Variants in DGKH observed in about 807,000 individuals in gnomAD.
The protein encoded by DGKH is DAG kinase eta.
A neutral mutation model predicts 159.3 loss-of-function variants in DGKH; 90 were observed. That is an observed-to-expected ratio of 0.57 (90% confidence interval 0.48 to 0.67). DGKH has a LOEUF of 0.67. Ranked by LOEUF, DGKH falls within the 30% of genes least tolerant of loss-of-function variation. The pLI is 0.00. For synonymous variants in DGKH, 536 were observed against 553.8 expected (o/e 0.97, Z 0.45); for missense variants, 1,181 against 1,506.1 (o/e 0.78, Z 3.57).
chr13:42,151,644 G>A (rs559215337), intron 3 of DGKH, among the ~76,000 whole-genome samples: 1 of 141,170 alleles, frequency 7.1e-6, no homozygotes, highest in Non-Finnish European at 1.6e-5. Flanking sequence ...TCATAAAAAA[G>A]AATAAAATAT....
intron 29 of DGKH, among the ~76,000 whole-genome samples, chr13:42,221,835 T>G (rs924374251): frequency 1.3e-5 from 2 of 152,198 alleles, no homozygotes; most frequent in Admixed American, 6.5e-5. Flanking sequence ...AAGAGAGACT[T>G]ACAGCAATGG....
chr13:42,197,029 G>A (rs559376394), intron 17 of DGKH, among the ~76,000 whole-genome samples: 4 of 152,090 alleles, frequency 2.6e-5, no homozygotes, highest in East Asian at 3.9e-4. Flanking sequence ...TGAGGCAGGC[G>A]GATCACCTGA....
chr13:42,207,693 G>GTATATATATATA (rs368253963), intron 21 of DGKH, among the ~76,000 whole-genome samples: 4,329 of 126,304 alleles, frequency 0.034, 157 homozygotes, highest in South Asian at 0.047. Context: ...TTATTAAAGT[G>GTATATATATATA]TGTATATATA....
intron 16 of DGKH, among the ~76,000 whole-genome samples, chr13:42,193,074 C>T (rs1170571357): frequency 6.6e-6 from 1 of 152,146 alleles, no homozygotes; most frequent in Non-Finnish European, 1.5e-5. Context: ...AAGCTTGATT[C>T]TATCATCTTA....
chr13:42,225,367 G>A (rs555335964), intron 29 of DGKH: 1 of 1,556,242 alleles, frequency 6.4e-7, no homozygotes, highest in Non-Finnish European at 8.6e-7. Context: ...TTTATTTTTT[G>A]TTTTTTCTAT....
intron 26 of DGKH, among the ~76,000 whole-genome samples, chr13:42,218,439 G>T (rs1017592267): frequency 6.7e-6 from 1 of 148,806 alleles, no homozygotes; most frequent in Non-Finnish European, 1.5e-5. Context: ...AGATTTTTCT[G>T]CAGTTCTTTT....
At chr13:42,047,649 A>G (rs988596809), upstream of DGKH, among the ~76,000 whole-genome samples, 5 of 152,150 alleles carry the variant, frequency 3.3e-5, no homozygotes, top group Non-Finnish European at 5.9e-5. Context: ...CGCGGTTCCC[A>G]AGTGCCCGCG....
intron 11 of DGKH, among the ~76,000 whole-genome samples, chr13:42,171,901 CTCACTGCAAG>C (rs1414098434): frequency 1.4e-5 from 2 of 145,710 alleles, no homozygotes; most frequent in Non-Finnish European, 3.0e-5. Context: ...GCGATCTTGC[CTCACTGCAAG>C]CTCCGCCTCC....
At chr13:42,107,826 C>A (rs1437304540) in intron 1 of DGKH, among the ~76,000 whole-genome samples, 4 of 151,996 alleles carry the variant, frequency 2.6e-5, no homozygotes, top group Non-Finnish European at 5.9e-5. Flanking sequence ...TGCTCCTTGG[C>A]CTTTGGGGAC....
chr13:42,228,703 T>G (rs202082309), intron 29 of DGKH, among the ~76,000 whole-genome samples: 1 of 150,172 alleles, frequency 6.7e-6, no homozygotes, highest in Admixed American at 6.6e-5. Flanking sequence ...AGAGATGAAA[T>G]AAAGAAAGAA....
chr13:42,243,118 C>T (rs952541938), downstream of DGKH, among the ~76,000 whole-genome samples: 2 of 152,158 alleles, frequency 1.3e-5, no homozygotes, highest in Non-Finnish European at 2.9e-5. Context: ...ACAGTTCTAT[C>T]ACCACAAGGA....
Position 42,165,417 on chromosome 13 carries a change from C to G in DGKH, c.942C>G (p.Asn314Lys). 6.4e-7 allele frequency: 1 copy of G among 1,572,048 alleles called. No homozygotes were observed. The highest frequency in any genetic ancestry group is 8.6e-7 in the Non-Finnish European group (1 of 1,158,746). Reference sequence around the variant, plus strand: ...CTATCATACCTCCAATTGCACTAAACAGCACCGATTCCGATGGTATGTAGC... The same window carrying G: ...CTATCATACCTCCAATTGCACTAAAGAGCACCGATTCCGATGGTATGTAGC... ...KVSIIPPIAL[N>K]STDSDGFCRA... The change falls in exon 8 of 30, where the codon AAC (asparagine) becomes AAG (lysine). Residue 314 changes from asparagine (N) to lysine (K), a missense_variant. Around this residue, in one of 5 missense-constraint regions of DGKH, gnomAD observed 369 missense variants for 519.4 expected, o/e 0.71. Coordinates refer to ENST00000337343, the MANE Select transcript of DGKH (RefSeq NM_178009.5).
rs1452457116 is a variant in DGKH at position 42,075,233 on chromosome 13, G to C, written c.192+26268G>C. Among the ~76,000 whole-genome samples, 34 of 152,182 alleles carry C rather than the reference G, an allele frequency of 2.2e-4. 1 individual carries two copies. The highest frequency in any genetic ancestry group is 2.2e-3 in the Admixed American group (34 of 15,272). The stretch of plus-strand genomic sequence containing the variant: ...ATTCATGTGTACATTTTCTAGTGGT[G>C]TTTGAAGGTGTAATAATCCTTCCAA... On this transcript the variant is annotated intron_variant, in intron 1 of 29. Transcript: ENST00000337343.
rs1375938576 is a variant in DGKH, at chr13:42,209,029, C to T, written c.2672C>T (p.Ala891Val). The T allele has an allele frequency of 1.7e-5, 27 of 1,612,028 alleles. No homozygotes were observed. Among genetic ancestry groups the T allele is most frequent in the Non-Finnish European group, 2.3e-5 (27 of 1,179,064 alleles). The change falls in exon 22 of 30, where the codon GCA (alanine) becomes GTA (valine). Residue 891 changes from alanine (A) to valine (V), a missense_variant. By Grantham distance (64) the Ala-to-Val change is moderately conservative. This residue lies in a region of DGKH where 335 missense variants were observed against 495.2 expected (regional missense o/e 0.68). Transcript: ENST00000337343. ...VVAIFDSMQM[A>V]VSRVIKLQHH... ...GCAATATTTGATAGCATGCAAATGGCAGTTTCAAGGGTCATTAAACTGCAG... is the reference window on the plus strand; with the variant it reads ...GCAATATTTGATAGCATGCAAATGGTAGTTTCAAGGGTCATTAAACTGCAG...
intron 1 of DGKH, among the ~76,000 whole-genome samples, chr13:42,125,738 T>A (rs983149159): frequency 1.3e-5 from 2 of 152,204 alleles, no homozygotes; most frequent in African/African-American, 2.4e-5. Flanking sequence ...CTTTTCTCAA[T>A]ATATTATGTC....
At chr13:42,187,263 A>AG in intron 14 of DGKH, 115 bp downstream of exon 14, 2 of 818,866 alleles carry the variant, frequency 2.4e-6, no homozygotes, top group South Asian at 3.4e-5. Flanking sequence ...TTAAATCGAG[A>AG]GAAAAATTAC....
intron 1 of DGKH, among the ~76,000 whole-genome samples, chr13:42,075,683 C>T (rs1475426661): frequency 1.3e-5 from 2 of 152,146 alleles, no homozygotes; most frequent in Non-Finnish European, 2.9e-5. Context: ...GGTGGGGACT[C>T]TTTTAAGCCT....
intron 1 of DGKH, among the ~76,000 whole-genome samples, chr13:42,067,239 G>C (rs970153045): frequency 2.0e-5 from 3 of 152,032 alleles, no homozygotes; most frequent in African/African-American, 7.2e-5. Context: ...ACTATTTTAA[G>C]GGAAAAATAG....
intron 20 of DGKH, among the ~76,000 whole-genome samples, chr13:42,204,312 C>G (rs1170107): frequency 0.45 from 68,174 of 152,042 alleles, 15,692 homozygotes; most frequent in Admixed American, 0.56. Context: ...TTTATTCATT[C>G]AACAAATATA....
Sources: gnomAD v4.1 joint callset for allele counts (sites outside exome capture counted in the v4.1 genomes callset) on GRCh38, gnomAD v4.1.1 for gene constraint, gnomAD v4.1.1 regional missense constraint, MANE v1.5 for transcripts, NCBI Gene and HGNC (gene_info 2026-07-23, HGNC 2026-07-21) for gene names.